The following OPCML variants were observed in gnomAD, a reference collection of about 807,000 sequenced individuals.
OPCML encodes the protein opioid-binding protein/cell adhesion molecule.
Under a neutral mutation model 37.8 loss-of-function variants are expected in OPCML, and 13 were observed. The observed-to-expected ratio is 0.34, with a 90% CI of 0.22 to 0.55. The LOEUF is 0.55. Among genes scored for constraint, OPCML ranks in the 20% least tolerant of loss-of-function variants. The pLI is 0.91. For synonymous variants in OPCML, 176 were observed against 168.8 expected, an observed-to-expected ratio of 1.04 and a Z score of -0.33; for missense variants, 341 against 435.6, an observed-to-expected ratio of 0.78 and a Z score of 1.93.
At chr11:132,933,806 C>T (rs188473633) in intron 2 of OPCML, among the ~76,000 whole-genome samples, 1 of 152,182 alleles carries the variant, frequency 6.6e-6, no homozygotes, top group Non-Finnish European at 1.5e-5. Flanking sequence ...TTAGAGATGG[C>T]AGAGAAAAGC....
chr11:132,552,763 C>CTTTCTTTTTTTTTTTTTTTTT (rs2096385003), intron 3 of OPCML, among the ~76,000 whole-genome samples: 1 of 92,802 alleles, frequency 1.1e-5, no homozygotes, highest in African/African-American at 5.6e-5. Context: ...AAACACTACT[C>CTTTCTTTTTTTTTTTTTTTTT]TTTTTTTTTT....
At chr11:133,078,888 T>A (rs1025953309) in intron 1 of OPCML, among the ~76,000 whole-genome samples, 1 of 152,156 alleles carries the variant, frequency 6.6e-6, no homozygotes, top group Admixed American at 6.5e-5. Flanking sequence ...ATTCTTTTAC[T>A]GCTTGAGAAA....
chr11:132,845,378 A>T (rs1941481176), intron 2 of OPCML, among the ~76,000 whole-genome samples: 2 of 152,220 alleles, frequency 1.3e-5, no homozygotes, highest in Admixed American at 1.3e-4. Flanking sequence ...TCTTTAGGGA[A>T]AGAAAATATA....
In OPCML at chr11:133,212,000, C is replaced by T. The variant is rs542007094; in HGVS notation, c.62-268990G>A. On this transcript the variant is annotated intron_variant, in intron 1 of 7. Transcript: ENST00000524381. This position sits in a 1 kb window ranked among gnomAD's most constrained non-coding sequence, Gnocchi z 4.1. ...TGTCAGATGGCAAGCCTAGTGCATA[C>T]AGCCTGATAGCAGATTGACCGTGCC... Among the ~76,000 whole-genome samples, 80 of 152,264 alleles carry T rather than the reference C, an allele frequency of 5.3e-4. No homozygotes were observed. Among genetic ancestry groups the T allele is most frequent in the African/African-American group, 1.8e-3 (75 of 41,552 alleles).
intron 1 of OPCML, among the ~76,000 whole-genome samples, chr11:133,010,368 A>T (rs1019643144): frequency 1.3e-5 from 2 of 152,274 alleles, no homozygotes; most frequent in African/African-American, 2.4e-5. Flanking sequence ...GGGTGAACAA[A>T]TGAATGTGCA....
chr11:132,640,315 G>A (rs556979538), intron 3 of OPCML, among the ~76,000 whole-genome samples: 9 of 152,204 alleles, frequency 5.9e-5, no homozygotes, highest in East Asian at 3.9e-4. Context: ...TAGGAACCCC[G>A]GGATAAGCAC....
intron 2 of OPCML, among the ~76,000 whole-genome samples, chr11:132,816,646 G>A (rs936290619): frequency 6.6e-5 from 10 of 152,138 alleles, no homozygotes; most frequent in Non-Finnish European, 1.5e-4. Context: ...CATGAGAGAA[G>A]AAGAAAACTG....
intron 2 of OPCML, among the ~76,000 whole-genome samples, chr11:132,762,266 C>G (rs1946290785): frequency 6.6e-6 from 1 of 152,170 alleles, no homozygotes; most frequent in African/African-American, 2.4e-5. Flanking sequence ...TGGGAGTTGT[C>G]TCCCAGACAG....
At chr11:133,024,948 C>T (rs961573043) in intron 1 of OPCML, 102 of 985,398 alleles carry the variant, frequency 1.0e-4, no homozygotes, top group East Asian at 1.0e-3. Flanking sequence ...TGAACCAATG[C>T]GCACTGCAGA....
At chr11:133,344,440 C>A (rs77110284) in intron 1 of OPCML, among the ~76,000 whole-genome samples, 1 of 152,298 alleles carries the variant, frequency 6.6e-6, no homozygotes, top group South Asian at 2.1e-4. Context: ...TACCCCACTG[C>A]CCCTCTCCCA....
intron 2 of OPCML, among the ~76,000 whole-genome samples, chr11:132,863,940 ATTTG>A (rs146142306): frequency 0.23 from 35,138 of 151,544 alleles, 4,279 homozygotes; most frequent in Non-Finnish European, 0.28. Context: ...TATTTTATTT[ATTTG>A]TTTATTTTTT....
At chr11:133,332,202 A>T (rs959158485) in intron 1 of OPCML, among the ~76,000 whole-genome samples, 5 of 152,114 alleles carry the variant, frequency 3.3e-5, no homozygotes. Context: ...ATTGTGAATG[A>T]GATTGCCTTT....
At position 133,525,067 on chromosome 11, in the gene OPCML, T is replaced by C. The variant is rs141707655; in HGVS notation, c.61+7197A>G. Among the ~76,000 whole-genome samples, 28 of 152,368 alleles carry C rather than the reference T, an allele frequency of 1.8e-4. No individual in the cohort carries two copies. The East Asian group carries it at 4.8e-3, about 26-fold the overall frequency. On this transcript the variant is annotated intron_variant, in intron 1 of 7. Transcript: ENST00000524381. ...AAAACAGGTGTGGTCTCTGCCTGTA[T>C]AAACAATGGTCTAGGGAGGAAAGAG...
At chr11:133,229,337 C>G (rs994702436) in intron 1 of OPCML, among the ~76,000 whole-genome samples, 2 of 152,088 alleles carry the variant, frequency 1.3e-5, no homozygotes, top group African/African-American at 4.8e-5. Flanking sequence ...AAATCCTGAC[C>G]AGATCAATTG....
At chr11:132,467,295 G>A (rs1182439039) in intron 4 of OPCML, among the ~76,000 whole-genome samples, 13 of 152,218 alleles carry the variant, frequency 8.5e-5, no homozygotes, top group African/African-American at 2.4e-5. Context: ...GAAAGCAAGA[G>A]TTCCCGTCAC....
At chr11:133,412,746 T>C (rs1945676596) in intron 1 of OPCML, among the ~76,000 whole-genome samples, 1 of 152,102 alleles carries the variant, frequency 6.6e-6, no homozygotes, top group Non-Finnish European at 1.5e-5. Context: ...AAGTGGTAAA[T>C]GAGATTGGAA....
At position 132,638,446 on chromosome 11, in the gene OPCML, C is replaced by T. The variant is rs188460235; in HGVS notation, c.379+18641G>A. On this transcript the variant is annotated intron_variant, in intron 3 of 7. Transcript: ENST00000524381. ...AGGATGACAATAGCCTTTCCCAAAA[C>T]TAAACCACACTTGTAAAACTAATCA... Among the ~76,000 whole-genome samples, 506 of 152,172 alleles carry T rather than the reference C, an allele frequency of 3.3e-3. 3 individuals are homozygous for T. Among genetic ancestry groups the T allele is most frequent in the African/African-American group, 0.012 (487 of 41,500 alleles).
chr11:132,829,982 GA>G (rs1051066896), intron 2 of OPCML, among the ~76,000 whole-genome samples: 5 of 151,900 alleles, frequency 3.3e-5, no homozygotes, highest in Admixed American at 2.6e-4. Context: ...TATAGGCAGA[GA>G]AAAAAAATTG....
intron 1 of OPCML, chr11:133,359,992 A>G (rs1592232025): frequency 6.6e-6 from 1 of 152,216 alleles, no homozygotes; most frequent in Non-Finnish European, 1.5e-5. Flanking sequence ...CACTATTGAA[A>G]TGTGAAGATA....
Sources: gnomAD v4.1 joint callset for allele counts (sites outside exome capture counted in the v4.1 genomes callset) on GRCh38, gnomAD v4.1.1 for gene constraint, Gnocchi (gnomAD v3.1) non-coding constraint, MANE v1.5 for transcripts, NCBI Gene and HGNC (gene_info 2026-07-23, HGNC 2026-07-21) for gene names.